ZNF385D: variants seen among roughly 807,000 people sequenced by gnomAD.
The protein encoded by ZNF385D is zinc finger protein 659.
ZNF385D carries 15 observed loss-of-function variants against 35.8 expected under a neutral mutation model. The observed-to-expected ratio is 0.42, with a 90% CI of 0.28 to 0.64. The LOEUF (loss-of-function observed/expected upper bound fraction) is 0.64. Ranked by LOEUF, ZNF385D falls within the 30% of genes least tolerant of loss-of-function variation. The pLI is 0.23. For missense variants in ZNF385D, 474 were observed against 494.6 expected (o/e 0.96, Z 0.39); for synonymous variants, 212 against 186.8 (o/e 1.13, Z -1.10).
intron 3 of ZNF385D, among the ~76,000 whole-genome samples, chr3:22,088,413 C>G (rs748420335): frequency 6.6e-6 from 1 of 152,170 alleles, no homozygotes; most frequent in Non-Finnish European, 1.5e-5. Context: ...TTTGTTGTAT[C>G]CTAGGACACT....
intron 2 of ZNF385D, among the ~76,000 whole-genome samples, chr3:22,307,734 T>C (rs1216851557): frequency 1.5e-5 from 2 of 135,788 alleles, no homozygotes; most frequent in African/African-American, 5.3e-5. Context: ...CTAGAATTTA[T>C]TGCCTCTGTT....
rs117281080 is a variant in ZNF385D, at chr3:22,357,961, A to G, written c.106+14489T>C. Among the ~76,000 whole-genome samples, 625 of 152,016 alleles carry G rather than the reference A, an allele frequency of 4.1e-3. 11 individuals are homozygous for G. The East Asian group carries it at 0.051, about 12-fold the overall frequency. Reference sequence around the variant, plus strand: ...AAACATTACAAGCATTCGATATGCTATATTTTAAATGGTCTATTTTTCTCT... The same window carrying G: ...AAACATTACAAGCATTCGATATGCTGTATTTTAAATGGTCTATTTTTCTCT... On this transcript the variant is annotated intron_variant, in intron 2 of 5. Transcript: ENST00000494108.
chr3:22,184,068 T>C (rs1695466305), intron 2 of ZNF385D, among the ~76,000 whole-genome samples: 1 of 152,162 alleles, frequency 6.6e-6, no homozygotes, highest in South Asian at 2.1e-4. Flanking sequence ...TTAGGAGTTC[T>C]GATCATTAAT....
chr3:21,724,234 C>T (rs996759489), intron 1 of ZNF385D, among the ~76,000 whole-genome samples: 3 of 151,972 alleles, frequency 2.0e-5, no homozygotes, highest in South Asian at 2.1e-4. Context: ...TATGAAGGAA[C>T]TGCATCAACT....
In ZNF385D at chr3:22,003,138, C is replaced by A. The variant is rs750729117; in HGVS notation, c.325+165679G>T. ...TTGGAAAAGAAGTCAAATTGTCCTTCTTCGCAGATGACATAATATTACATA... is the reference window on the plus strand; with the variant it reads ...TTGGAAAAGAAGTCAAATTGTCCTTATTCGCAGATGACATAATATTACATA... On this transcript the variant is annotated intron_variant, in intron 3 of 5. Coordinates refer to the ZNF385D transcript ENST00000494108. 2.6e-5 allele frequency among the ~76,000 whole-genome samples: 4 copies of A among 152,248 alleles called. 1 individual carries two copies. The South Asian group carries it at 8.3e-4, about 32-fold the overall frequency.
At chr3:22,234,139 A>G (rs908680142) in intron 2 of ZNF385D, among the ~76,000 whole-genome samples, 1 of 152,118 alleles carries the variant, frequency 6.6e-6, no homozygotes, top group Non-Finnish European at 1.5e-5. Context: ...AAGTAAATGC[A>G]TTATTTGGGA....
chr3:21,555,424 G>A (rs997117757), intron 3 of ZNF385D, among the ~76,000 whole-genome samples: 8 of 151,966 alleles, frequency 5.3e-5, no homozygotes, highest in African/African-American at 1.9e-4. Flanking sequence ...GTGTCCATGT[G>A]TTCTCATTGT....
At chr3:21,860,542 T>A (rs1345626110) in intron 3 of ZNF385D, among the ~76,000 whole-genome samples, 1 of 152,098 alleles carries the variant, frequency 6.6e-6, no homozygotes, top group African/African-American at 2.4e-5. Flanking sequence ...CACATCAACA[T>A]CAGTTAAAAA....
intron 2 of ZNF385D, among the ~76,000 whole-genome samples, chr3:21,611,448 T>C (rs2064675708): frequency 6.6e-6 from 1 of 152,096 alleles, no homozygotes; most frequent in African/African-American, 2.4e-5. Context: ...ATGTGGCAAG[T>C]TCAATACCAG....
chr3:22,082,766 C>A (rs989508576), intron 3 of ZNF385D, among the ~76,000 whole-genome samples: 1 of 152,212 alleles, frequency 6.6e-6, no homozygotes, highest in Non-Finnish European at 1.5e-5. Flanking sequence ...GGTCCCTAAC[C>A]CCCGTGTAGC....
At chr3:21,607,481 CATTAT>C (rs1450009660) in intron 2 of ZNF385D, among the ~76,000 whole-genome samples, 1 of 150,042 alleles carries the variant, frequency 6.7e-6, no homozygotes, top group East Asian at 1.9e-4. Context: ...ACTGCTCTAT[CATTAT>C]CATTATCAAG....
chr3:21,423,744 T>C (rs924330652), intron 7 of ZNF385D, among the ~76,000 whole-genome samples: 2 of 152,170 alleles, frequency 1.3e-5, no homozygotes, highest in African/African-American at 4.8e-5. Context: ...CTTCCAAAAG[T>C]ACTAACTTAC....
chr3:22,155,699 T>C (rs1470655586), intron 3 of ZNF385D, among the ~76,000 whole-genome samples: 1 of 152,146 alleles, frequency 6.6e-6, no homozygotes, highest in Non-Finnish European at 1.5e-5. Context: ...TATAATATTG[T>C]AATTTTTCTG....
In ZNF385D at chr3:21,802,356, T is replaced by C. The variant is rs536787841; in HGVS notation, c.326-137328A>G. The stretch of plus-strand genomic sequence containing the variant: ...TCAAATGGATTTAATATTACCCTTT[T>C]GGAGAGGATTTTTCATTGTTTCCAG... On this transcript the variant is annotated intron_variant, in intron 3 of 5. Transcript: ENST00000494108. 4.5e-3 allele frequency among the ~76,000 whole-genome samples: 691 copies of C among 152,274 alleles called. 5 individuals carry two copies. Among genetic ancestry groups the C allele is most frequent in the African/African-American group, 0.016 (666 of 41,558 alleles).
At chr3:21,776,026 T>A (rs193194440) in intron 3 of ZNF385D, among the ~76,000 whole-genome samples, 162 of 151,910 alleles carry the variant, frequency 1.1e-3, no homozygotes, top group African/African-American at 3.8e-3. Context: ...ATATTAAAAT[T>A]TTATAGTATT....
chr3:21,968,441 G>C (rs1703035596), intron 3 of ZNF385D, among the ~76,000 whole-genome samples: 1 of 152,124 alleles, frequency 6.6e-6, no homozygotes, highest in South Asian at 2.1e-4. Context: ...AGGAAGCCAA[G>C]GGAGTGCTTG....
chr3:22,322,294 T>C (rs910755442), intron 2 of ZNF385D, among the ~76,000 whole-genome samples: 1 of 152,168 alleles, frequency 6.6e-6, no homozygotes, highest in African/African-American at 2.4e-5. Flanking sequence ...ATGGATGATA[T>C]ATTTTAACTC....
intron 3 of ZNF385D, among the ~76,000 whole-genome samples, chr3:22,059,123 A>G (rs538394822): frequency 2.6e-5 from 4 of 152,312 alleles, no homozygotes; most frequent in African/African-American, 9.6e-5. Context: ...TGGCTCAAGA[A>G]TTAACCTATC....
chr3:22,199,968 G>T (rs538623601), intron 2 of ZNF385D, among the ~76,000 whole-genome samples: 1 of 151,870 alleles, frequency 6.6e-6, no homozygotes, highest in African/African-American at 2.4e-5. Context: ...TTACCTGCTG[G>T]ATTTATTTAA....
Sources: allele counts gnomAD v4.1 joint callset (sites outside exome capture counted in the v4.1 genomes callset), GRCh38; gene constraint gnomAD v4.1.1; transcripts MANE v1.5; gene names NCBI Gene and HGNC (gene_info 2026-07-23, HGNC 2026-07-21).